Variants in SEL1L2 observed in about 807,000 individuals in gnomAD.
SEL1L2 encodes the protein protein sel-1 homolog 2.
SEL1L2 carries 89 observed loss-of-function variants against 98.8 expected under a neutral mutation model. That is an observed-to-expected ratio of 0.90 (90% CI 0.76 to 1.07). The LOEUF is 1.07. Ranked by LOEUF, SEL1L2 falls within the 50% of genes least tolerant of loss-of-function variation. The pLI, the probability that SEL1L2 is intolerant of heterozygous loss-of-function variation, is 0.00. For synonymous variants in SEL1L2, 262 were observed against 278.5 expected, an observed-to-expected ratio of 0.94 and a Z score of 0.59; for missense variants, 788 against 812.0, an observed-to-expected ratio of 0.97 and a Z score of 0.36.
At chr20:13,904,036 A>T (rs989761763) in intron 5 of SEL1L2, among the ~76,000 whole-genome samples, 4 of 152,216 alleles carry the variant, frequency 2.6e-5, no homozygotes, top group Non-Finnish European at 4.4e-5. Context: ...CTTACAATTC[A>T]ATTAAAACAA....
At chr20:13,867,472 T>G (rs2045980768) in intron 14 of SEL1L2, among the ~76,000 whole-genome samples, 1 of 152,224 alleles carries the variant, frequency 6.6e-6, no homozygotes, top group Non-Finnish European at 1.5e-5. Context: ...AGATGGTCTT[T>G]AAGTTATCTT....
chr20:13,895,096 TACACCA>T (rs2047365209), intron 5 of SEL1L2, among the ~76,000 whole-genome samples: 1 of 152,194 alleles, frequency 6.6e-6, no homozygotes, highest in Non-Finnish European at 1.5e-5. Flanking sequence ...AAAAGGATTA[TACACCA>T]TAACCAAGAG....
In SEL1L2 at chr20:13,890,251, A is replaced by G. The variant is rs571344599; in HGVS notation, c.550-1739T>C. ...GTTCCAGTGACTGGTTTTTTTCCTCACCTAACTCACAGTGCTGACAGAGCC... is the reference window on the plus strand; with the variant it reads ...GTTCCAGTGACTGGTTTTTTTCCTCGCCTAACTCACAGTGCTGACAGAGCC... On this transcript the variant is annotated intron_variant, in intron 5 of 19. Transcript: ENST00000284951. 4.6e-5 allele frequency among the ~76,000 whole-genome samples: 7 copies of G among 152,092 alleles called. No homozygotes were observed. In the East Asian group the frequency reaches 1.4e-3, roughly 29 times the overall value.
chr20:13,941,198 C>A (rs1027953820), intron 2 of SEL1L2, among the ~76,000 whole-genome samples: 1 of 152,164 alleles, frequency 6.6e-6, no homozygotes, highest in Non-Finnish European at 1.5e-5. Flanking sequence ...AATGAGCTGA[C>A]CGGCCTCGTA....
chr20:13,953,539 G>A (rs928376286), intron 2 of SEL1L2, among the ~76,000 whole-genome samples: 9 of 152,170 alleles, frequency 5.9e-5, no homozygotes, highest in Non-Finnish European at 7.4e-5. Flanking sequence ...AGGTGTAAAA[G>A]GGTCCCTGGA....
At chr20:13,947,430 C>T (rs781686811) in intron 2 of SEL1L2, among the ~76,000 whole-genome samples, 7 of 152,138 alleles carry the variant, frequency 4.6e-5, no homozygotes, top group Non-Finnish European at 7.4e-5. Flanking sequence ...GACCACCTGC[C>T]TGCGGAAAGG....
Position 13,931,602 on chromosome 20 carries a change from C to T in SEL1L2, c.283+1G>A. ...TACATGTGAAAAGATATTCTACTTA[C>T]AATGATTCTTATTTCTCTTCAAGAT... is the stretch of plus-strand genomic sequence containing the variant. On this transcript the variant is annotated splice_donor_variant, in intron 3 of 19. Transcript: ENST00000284951. LOFTEE classifies it high-confidence loss of function. 1 of 1,359,942 alleles carries T rather than the reference C, an allele frequency of 7.4e-7. No homozygotes were observed. The highest frequency in any genetic ancestry group is 1.0e-6 in the Non-Finnish European group (1 of 999,492). The allele number at this position is 1,359,942 out of a possible 1,614,324, so 84.2% of individuals were successfully genotyped here. A position where few individuals can be genotyped will look rare whatever the true frequency, so the allele number is the denominator to read the frequency against.
chr20:13,926,117 G>C (rs936042941), intron 3 of SEL1L2, among the ~76,000 whole-genome samples: 1 of 152,162 alleles, frequency 6.6e-6, no homozygotes, highest in Non-Finnish European at 1.5e-5. Flanking sequence ...AGGAGATTGA[G>C]ACCATCCTGG....
At chr20:13,957,107 CT>C (rs528436688) in intron 1 of SEL1L2, among the ~76,000 whole-genome samples, 195 of 146,078 alleles carry the variant, frequency 1.3e-3, no homozygotes, top group Admixed American at 1.9e-3. Flanking sequence ...TTTATTTCTA[CT>C]TTTTTTTTTT....
At chr20:13,994,585 G>C (rs1261962814), upstream of SEL1L2, among the ~76,000 whole-genome samples, 1 of 152,116 alleles carries the variant, frequency 6.6e-6, no homozygotes, top group Non-Finnish European at 1.5e-5. Context: ...AACAAATTTG[G>C]GGGGAGGGTA....
chr20:13,880,719 C>A (rs1267778180), intron 10 of SEL1L2, among the ~76,000 whole-genome samples: 1 of 152,128 alleles, frequency 6.6e-6, no homozygotes, highest in Admixed American at 6.6e-5. Flanking sequence ...CTCCTCCCAC[C>A]TCACTTCCAT....
chr20:13,938,456 C>G (rs552141069), intron 2 of SEL1L2, among the ~76,000 whole-genome samples: 1 of 152,162 alleles, frequency 6.6e-6, no homozygotes, highest in Non-Finnish European at 1.5e-5. Context: ...AGAGTTTTTA[C>G]ATTGTTTTGT....
chr20:13,880,867 T>TTC (rs1568884969), intron 10 of SEL1L2, among the ~76,000 whole-genome samples: 1 of 152,118 alleles, frequency 6.6e-6, no homozygotes, highest in African/African-American at 2.4e-5. Flanking sequence ...TAAGTAAAGT[T>TTC]TTATTATTTG....
chr20:13,948,380 T>G (rs1002359003), intron 2 of SEL1L2, among the ~76,000 whole-genome samples: 1 of 152,030 alleles, frequency 6.6e-6, no homozygotes, highest in African/African-American at 2.4e-5. Context: ...AAAATTACAA[T>G]AGTCAAAAGA....
At chr20:13,850,056 T>C (rs1385638290) in intron 19 of SEL1L2, 135 bp downstream of exon 19, 2 of 917,172 alleles carry the variant, frequency 2.2e-6, no homozygotes, top group Non-Finnish European at 3.3e-6. Flanking sequence ...GCATGGCAAG[T>C]GTAAGACTCT....
chr20:13,992,064 C>G (rs1032067137), upstream of SEL1L2, among the ~76,000 whole-genome samples: 1 of 152,046 alleles, frequency 6.6e-6, no homozygotes, highest in Non-Finnish European at 1.5e-5. Flanking sequence ...GCAATGAAGG[C>G]ATATAAGGGG....
chr20:13,855,913 C>A (rs1989085286), intron 18 of SEL1L2, among the ~76,000 whole-genome samples: 1 of 152,174 alleles, frequency 6.6e-6, no homozygotes, highest in African/African-American at 2.4e-5. Context: ...TGGGGGATTG[C>A]AAATCTTTGG....
At chr20:13,891,684 A>G (rs1291424044) in intron 5 of SEL1L2, among the ~76,000 whole-genome samples, 3 of 150,808 alleles carry the variant, frequency 2.0e-5, no homozygotes, top group Non-Finnish European at 3.0e-5. Flanking sequence ...AAAAAAAAAA[A>G]AGGAAAAGAC....
chr20:13,977,591 C>T (rs1370111352), intron 1 of SEL1L2, among the ~76,000 whole-genome samples: 1 of 151,050 alleles, frequency 6.6e-6, no homozygotes, highest in East Asian at 1.9e-4. Context: ...CCCTTATGTG[C>T]AAAAAAAAGT....
Sources: gnomAD v4.1 joint callset for allele counts (sites outside exome capture counted in the v4.1 genomes callset) on GRCh38, gnomAD v4.1.1 for gene constraint, MANE v1.5 for transcripts, NCBI Gene and HGNC (gene_info 2026-07-23, HGNC 2026-07-21) for gene names.